Variants in RUSC2 observed in about 807,000 individuals in gnomAD.
RUSC2 encodes the protein AP-4 complex accessory subunit RUSC2.
RUSC2 carries 34 observed loss-of-function variants against 122.2 expected under a neutral mutation model. That is an observed-to-expected ratio of 0.28 (90% CI 0.21 to 0.37). RUSC2 has a LOEUF of 0.37. RUSC2 is among the 10% of genes least tolerant of loss of function. RUSC2 has a pLI of 1.00. For missense variants in RUSC2, 1,747 were observed against 1,952.4 expected (o/e 0.89, Z 1.98); for synonymous variants, 784 against 790.0 (o/e 0.99, Z 0.13).
In RUSC2 at chr9:35,558,393, G is replaced by A. The variant is rs372452267; in HGVS notation, c.3235+22G>A. The A allele has an allele frequency of 1.1e-5, 17 of 1,613,798 alleles. No individual in the cohort carries two copies. The African/African-American group carries it at 1.3e-4, about 13-fold the overall frequency. On this transcript the variant is annotated intron_variant, in intron 7 of 11. Coordinates refer to ENST00000361226, the MANE Select transcript of RUSC2 (RefSeq NM_014806.5). The surrounding 1 kb of genome is among the most constrained non-coding windows in gnomAD (Gnocchi z 4.3). ...CTAGGTAGGTGCTGGGTGCCAAGAC[G>A]GGGACCCAGGGCTGAATTTAGGGCT...
intron 1 of RUSC2, among the ~76,000 whole-genome samples, chr9:35,494,387 C>A (rs936908575): frequency 6.6e-6 from 1 of 152,076 alleles, no homozygotes; most frequent in South Asian, 2.1e-4. Flanking sequence ...TGGCTTGAAC[C>A]GGGGAGGCTG....
intron 1 of RUSC2, among the ~76,000 whole-genome samples, chr9:35,504,055 G>A (rs1458923163): frequency 2.6e-5 from 4 of 152,140 alleles, no homozygotes; most frequent in Non-Finnish European, 5.9e-5. Context: ...GTTTACAGGC[G>A]TGAGCCACCG....
At chr9:35,552,725 G>T (rs1473849378) in intron 2 of RUSC2, among the ~76,000 whole-genome samples, 1 of 152,196 alleles carries the variant, frequency 6.6e-6, no homozygotes, top group Admixed American at 6.5e-5. Flanking sequence ...AGGAACTGGG[G>T]GACTGGGGCT....
Position 35,540,827 on chromosome 9 carries a change from G to A in RUSC2, c.-92-5603G>A, listed in dbSNP as rs566717142. 3.3e-5 allele frequency among the ~76,000 whole-genome samples: 5 copies of A among 152,306 alleles called. No individual in the cohort carries two copies. In the South Asian group the frequency reaches 1.0e-3, roughly 32 times the overall value. On this transcript the variant is annotated intron_variant, in intron 1 of 11. Transcript: ENST00000361226. Reference sequence around the variant, plus strand: ...CAATCATTTTCTTTGGAAGGCCGTTGTAGTGGAAATAATTACAAATTGGGC... The same window carrying A: ...CAATCATTTTCTTTGGAAGGCCGTTATAGTGGAAATAATTACAAATTGGGC...
At chr9:35,539,501 G>A (rs1821600337) in intron 1 of RUSC2, among the ~76,000 whole-genome samples, 1 of 152,096 alleles carries the variant, frequency 6.6e-6, no homozygotes, top group Non-Finnish European at 1.5e-5. Context: ...TGGAGAACAT[G>A]CAAGGATCCT....
intron 1 of RUSC2, among the ~76,000 whole-genome samples, chr9:35,518,464 T>C (rs1455867551): frequency 6.6e-6 from 1 of 152,162 alleles, no homozygotes; most frequent in African/African-American, 2.4e-5. Context: ...CTCCTCATGC[T>C]CCTGTCTGCC....
chr9:35,500,236 A>G (rs1330503669), intron 1 of RUSC2, among the ~76,000 whole-genome samples: 1 of 152,002 alleles, frequency 6.6e-6, no homozygotes, highest in Non-Finnish European at 1.5e-5. Flanking sequence ...CTTAAAGGCA[A>G]GGAGGAGCAA....
intron 9 of RUSC2, among the ~76,000 whole-genome samples, chr9:35,559,727 T>G (rs1314174387): frequency 6.6e-6 from 1 of 152,080 alleles, no homozygotes; most frequent in Non-Finnish European, 1.5e-5. Flanking sequence ...AGAGTGAGAC[T>G]CAGTCTCAAA....
At chr9:35,500,072 A>G (rs554729516) in intron 1 of RUSC2, among the ~76,000 whole-genome samples, 2 of 152,314 alleles carry the variant, frequency 1.3e-5, no homozygotes, top group African/African-American at 4.8e-5. Context: ...CCGGATAGCT[A>G]GAGTTTTTCT....
chr9:35,553,193 C>G (rs1274453067), intron 2 of RUSC2, among the ~76,000 whole-genome samples: 2 of 152,140 alleles, frequency 1.3e-5, no homozygotes, highest in African/African-American at 2.4e-5. Context: ...TAGCTCGTAG[C>G]AGGTGTGGGC....
In RUSC2 at chr9:35,558,296, G is replaced by A. The variant is rs748422585; in HGVS notation, c.3160G>A (p.Ala1054Thr). The change falls in exon 7 of 12, where the codon GCC becomes ACC. Residue 1054 changes from alanine (A) to threonine (T), a missense_variant. Coordinates refer to ENST00000361226, the MANE Select transcript of RUSC2 (RefSeq NM_014806.5). The surrounding 1 kb of genome is among the most constrained non-coding windows in gnomAD (Gnocchi z 4.3). ...CGCCGTGCTGGAGGATGGGCTCAAG[G>A]CCTTTGTACTGGACGTCATCATCGG... Reference protein sequence around the residue: ...VRAVLEDGLKAFVLDVIIGQR... With the variant: ...VRAVLEDGLKTFVLDVIIGQR... The A allele has an allele frequency of 9.9e-6, 16 of 1,614,074 alleles. No homozygotes were observed. The highest frequency in any genetic ancestry group is 1.3e-5 in the African/African-American group (1 of 74,928).
In RUSC2 at chr9:35,555,574, G is replaced by C; in HGVS notation, c.2529G>C (p.Leu843Phe). The C allele has an allele frequency of 6.2e-7, 1 of 1,614,054 alleles. No homozygotes were observed. Among genetic ancestry groups the C allele is most frequent in the Non-Finnish European group, 8.5e-7 (1 of 1,180,028 alleles). The change falls in exon 3 of 12, where the codon TTG becomes TTC. Residue 843 changes from leucine (L) to phenylalanine (F), a missense_variant. Leu to Phe is a conservative substitution (Grantham distance 22). Transcript: ENST00000361226. The surrounding 1 kb of genome is among the most constrained non-coding windows in gnomAD (Gnocchi z 4.6). ...PQKEDQKILT[L>F]TEYRLHGTGS... ...AGGAGGATCAGAAGATACTGACCTTGACTGAGTACCGGCTCCATGGAACAG... is the reference window on the plus strand; with the variant it reads ...AGGAGGATCAGAAGATACTGACCTTCACTGAGTACCGGCTCCATGGAACAG...
intron 1 of RUSC2, among the ~76,000 whole-genome samples, chr9:35,544,291 A>C (rs1821699959): frequency 6.7e-6 from 1 of 149,568 alleles, no homozygotes; most frequent in Admixed American, 6.8e-5. Flanking sequence ...GCCCTGTCTT[A>C]AACTGGATCA....
intron 1 of RUSC2, among the ~76,000 whole-genome samples, chr9:35,501,233 A>G (rs539618919): frequency 1.2e-4 from 18 of 152,292 alleles, no homozygotes; most frequent in African/African-American, 4.3e-4. Context: ...CATCCCCTTC[A>G]CTTCCTTTTC....
chr9:35,532,889 G>C (rs1428361210), intron 1 of RUSC2, among the ~76,000 whole-genome samples: 1 of 152,058 alleles, frequency 6.6e-6, no homozygotes, highest in African/African-American at 2.4e-5. Flanking sequence ...AAGATTTCTG[G>C]TGGTTAAGAA....
chr9:35,509,573 C>G (rs187133330), intron 1 of RUSC2, among the ~76,000 whole-genome samples: 68 of 152,088 alleles, frequency 4.5e-4, no homozygotes, highest in African/African-American at 1.6e-3. Context: ...TACAGGGGGA[C>G]AAAGAACAAA....
chr9:35,514,923 G>A (rs1821074862), intron 1 of RUSC2, among the ~76,000 whole-genome samples: 1 of 152,182 alleles, frequency 6.6e-6, no homozygotes, highest in African/African-American at 2.4e-5. Flanking sequence ...CCCAGAAGTT[G>A]CACACAACAA....
At chr9:35,516,469 T>C (rs1821109739) in intron 1 of RUSC2, among the ~76,000 whole-genome samples, 1 of 152,092 alleles carries the variant, frequency 6.6e-6, no homozygotes, top group African/African-American at 2.4e-5. Flanking sequence ...TGTAGGGGTA[T>C]GGGATAGTAT....
rs147951598 is a variant in RUSC2 at position 35,547,115 on chromosome 9, G to A, written c.594G>A (p.Glu198=). 687 of 1,614,210 alleles carry A rather than the reference G, an allele frequency of 4.3e-4. 1 individual carries two copies. Among genetic ancestry groups the A allele is most frequent in the Middle Eastern group, 8.2e-4 (5 of 6,062 alleles). The change falls in exon 2 of 12, where the codon GAG becomes GAA. Residue 198 remains glutamate (E), a synonymous_variant. Transcript: ENST00000361226. The surrounding 1 kb of genome is among the most constrained non-coding windows in gnomAD (Gnocchi z 4.6). ...SHCCRPELEA[E]TMELDECGGP... ...GCTGCCGGCCAGAGCTGGAAGCAGAGACTATGGAGCTGGATGAGTGTGGGG... is the reference window on the plus strand; with the variant it reads ...GCTGCCGGCCAGAGCTGGAAGCAGAAACTATGGAGCTGGATGAGTGTGGGG...
Sources: allele counts gnomAD v4.1 joint callset (sites outside exome capture counted in the v4.1 genomes callset), GRCh38; gene constraint gnomAD v4.1.1; non-coding constraint Gnocchi (gnomAD v3.1); transcripts MANE v1.5; gene names NCBI Gene and HGNC (gene_info 2026-07-23, HGNC 2026-07-21).